Variants in TENM1 observed in about 807,000 individuals in gnomAD.
TENM1 encodes teneurin transmembrane protein 1, also known as teneurin-1.
TENM1 carries 35 observed loss-of-function variants against 174.8 expected under a neutral mutation model. The ratio of observed to expected loss-of-function variants is 0.20; its 90% confidence interval spans 0.15 to 0.27. The LOEUF is 0.27. Ranked by LOEUF, TENM1 falls within the 10% of genes least tolerant of loss-of-function variation. TENM1 has a pLI of 1.00. For missense variants in TENM1, 1,633 were observed against 2,130.1 expected, an observed-to-expected ratio of 0.77 and a Z score of 4.59; for synonymous variants, 781 against 798.7, an observed-to-expected ratio of 0.98 and a Z score of 0.37.
chrX:124,632,525 C>T (rs1044120760), intron 11 of TENM1, among the ~76,000 whole-genome samples: 8 of 110,952 alleles, frequency 7.2e-5, no homozygotes, highest in Non-Finnish European at 1.3e-4. Context: ...ATTGTCCTCA[C>T]TCTTTACTGA....
At chrX:124,876,246 T>C (rs1205546082) in intron 3 of TENM1, among the ~76,000 whole-genome samples, 2 of 111,791 alleles carry the variant, frequency 1.8e-5, no homozygotes, top group Non-Finnish European at 3.8e-5. Context: ...ATTTGTTAAA[T>C]AAAATGTTGG....
At chrX:125,179,393 G>A in the TENM1 span, among the ~76,000 whole-genome samples, 1 of 110,485 alleles carries the variant, frequency 9.1e-6, no homozygotes, top group African/African-American at 3.3e-5. Flanking sequence ...GCAGGAGGAC[G>A]GCTTGGGGCC....
the TENM1 span, among the ~76,000 whole-genome samples, chrX:125,120,687 C>A: frequency 2.7e-5 from 3 of 111,732 alleles, no homozygotes; most frequent in Admixed American, 2.9e-4. Flanking sequence ...CTCATGGGTG[C>A]TCAACAAATT....
At chrX:124,687,214 C>A (rs1469396076) in intron 5 of TENM1, among the ~76,000 whole-genome samples, 2 of 111,470 alleles carry the variant, frequency 1.8e-5, no homozygotes, top group African/African-American at 6.5e-5. Context: ...TACAAGAAAC[C>A]AGCATGGTAT....
At chrX:124,496,062 A>G (rs974845689) in intron 20 of TENM1, among the ~76,000 whole-genome samples, 2 of 105,349 alleles carry the variant, frequency 1.9e-5, no homozygotes, top group Admixed American at 1.0e-4. Context: ...CAGAAATAAC[A>G]CCGCATATCT....
At chrX:124,946,727 T>C (rs991619203) in intron 1 of TENM1, among the ~76,000 whole-genome samples, 2 of 111,136 alleles carry the variant, frequency 1.8e-5, no homozygotes, top group African/African-American at 6.5e-5. Flanking sequence ...CAAGAAACTC[T>C]AAGAAAAATC....
chrX:124,975,465 C>T, the TENM1 span, among the ~76,000 whole-genome samples: 4 of 111,664 alleles, frequency 3.6e-5, no homozygotes, highest in Non-Finnish European at 5.7e-5. Flanking sequence ...AAGTAATAGG[C>T]TTTAAATATG....
intron 3 of TENM1, among the ~76,000 whole-genome samples, chrX:124,813,726 G>T (rs1044318719): frequency 9.0e-6 from 1 of 110,965 alleles, no homozygotes; most frequent in African/African-American, 3.3e-5. Context: ...TCTCTCTAAA[G>T]GTACTTTAGA....
chrX:125,118,711 A>C, the TENM1 span, among the ~76,000 whole-genome samples: 1 of 111,710 alleles, frequency 9.0e-6, no homozygotes, highest in South Asian at 3.7e-4. Flanking sequence ...AAATCACAAC[A>C]AAATACTGAT....
rs150971799 is a variant in TENM1, at chrX:124,673,115, T to C, written c.1016-1280A>G. Among the ~76,000 whole-genome samples, 450 of 111,824 alleles carry C rather than the reference T, an allele frequency of 4.0e-3. 2 individuals carry two copies. The highest frequency in any genetic ancestry group is 6.3e-3 in the Admixed American group (66 of 10,502). Reference sequence around the variant, plus strand: ...TTTTTGAAGGAAGTGGGAGTAGATATAGACCTTGAAGGATGTGTAGGGCTT... The same window carrying C: ...TTTTTGAAGGAAGTGGGAGTAGATACAGACCTTGAAGGATGTGTAGGGCTT... On this transcript the variant is annotated intron_variant, in intron 5 of 31. Coordinates refer to ENST00000422452, the Ensembl canonical transcript of TENM1.
chrX:124,730,814 G>A (rs1263539807), intron 4 of TENM1, among the ~76,000 whole-genome samples: 1 of 111,645 alleles, frequency 9.0e-6, no homozygotes, highest in African/African-American at 3.3e-5. Context: ...AACCTTTAGA[G>A]GAAGTGAAGT....
intron 11 of TENM1, among the ~76,000 whole-genome samples, chrX:124,569,671 TAAGA>T (rs1179046857): frequency 9.0e-6 from 1 of 111,319 alleles, no homozygotes; most frequent in Non-Finnish European, 1.9e-5. Context: ...ATTAAACGAA[TAAGA>T]CATCATCATG....
chrX:124,641,860 C>T (rs1352681412), exon 11 of TENM1: 2 of 1,211,588 alleles, frequency 1.7e-6, no homozygotes, highest in South Asian at 1.8e-5. Flanking sequence ...AGAAAAGTTC[C>T]GTGTCCTGAG....
intron 1 of TENM1, among the ~76,000 whole-genome samples, chrX:124,958,904 T>C (rs942326423): frequency 3.6e-5 from 4 of 110,965 alleles, no homozygotes; most frequent in Non-Finnish European, 1.9e-5. Context: ...AAAAAGCAGA[T>C]TCAGAGCTGA....
At chrX:124,465,733 A>G (rs1205225897) in intron 22 of TENM1, among the ~76,000 whole-genome samples, 1 of 107,331 alleles carries the variant, frequency 9.3e-6, no homozygotes, top group Admixed American at 1.0e-4. Context: ...TTCTCTCCAA[A>G]CCCCAACCAG....
intron 22 of TENM1, among the ~76,000 whole-genome samples, chrX:124,466,306 GTAAT>G (rs908443731): frequency 9.0e-6 from 1 of 111,702 alleles, no homozygotes; most frequent in African/African-American, 3.3e-5. Context: ...TAAAAAATGA[GTAAT>G]TAATAACAGG....
At chrX:124,800,641 G>C (rs2055423169) in intron 3 of TENM1, among the ~76,000 whole-genome samples, 1 of 111,533 alleles carries the variant, frequency 9.0e-6, no homozygotes, top group African/African-American at 3.3e-5. Flanking sequence ...TCTGTTGGTA[G>C]TTTTTGGATT....
the TENM1 span, among the ~76,000 whole-genome samples, chrX:125,085,588 T>C: frequency 9.0e-6 from 1 of 111,584 alleles, no homozygotes; most frequent in Non-Finnish European, 1.9e-5. Context: ...CTAATATTTG[T>C]GAATATGATT....
the TENM1 span, among the ~76,000 whole-genome samples, chrX:125,142,328 G>C: frequency 9.0e-6 from 1 of 111,366 alleles, no homozygotes; most frequent in African/African-American, 3.3e-5. Flanking sequence ...TTCAGTCAAT[G>C]ATCGATGATT....
Sources: gnomAD v4.1 joint callset for allele counts (sites outside exome capture counted in the v4.1 genomes callset) on GRCh38, gnomAD v4.1.1 for gene constraint, MANE v1.5 for transcripts, NCBI Gene and HGNC (gene_info 2026-07-23, HGNC 2026-07-21) for gene names.